CFAP43: variants seen among roughly 807,000 people sequenced by gnomAD.
CFAP43 encodes the protein cilia and flagella associated protein 43.
A neutral mutation model predicts 218.9 loss-of-function variants in CFAP43; 155 were observed. The ratio of observed to expected loss-of-function variants is 0.71; its 90% CI spans 0.62 to 0.81. CFAP43 has a LOEUF of 0.81. CFAP43 is among the 30% of genes least tolerant of loss of function. CFAP43 has a pLI of 0.00. For synonymous variants in CFAP43, 645 were observed against 681.3 expected (o/e 0.95, Z 0.83); for missense variants, 1,778 against 1,954.3 (o/e 0.91, Z 1.70).
At chr10:104,181,571 C>T (rs2089845644) in intron 17 of CFAP43, among the ~76,000 whole-genome samples, 1 of 152,232 alleles carries the variant, frequency 6.6e-6, no homozygotes, top group Non-Finnish European at 1.5e-5. Flanking sequence ...CAAAGCCCTT[C>T]GTTACCTGGT....
At chr10:104,131,658 A>G (rs568065605) in intron 36 of CFAP43, among the ~76,000 whole-genome samples, 174 bp from the exon 37 acceptor site, 1 of 152,346 alleles carries the variant, frequency 6.6e-6, no homozygotes, top group Non-Finnish European at 1.5e-5. Context: ...TGAAAGGTAG[A>G]ATGGTATGTT....
chr10:104,179,037 A>G lies in CFAP43; in HGVS notation c.2452T>C (p.Ser818Pro). The G allele has an allele frequency of 6.2e-7, 1 of 1,611,482 alleles. No individual in the cohort carries two copies. The highest frequency in any genetic ancestry group is 8.5e-7 in the Non-Finnish European group (1 of 1,178,200). ...KEIKQGIKSL[S>P]KTILNMMEEN... is the part of the protein sequence containing the mutation. Reference sequence around the variant, plus strand: ...GAAATTACAACACTTACAGTTTTGGAAAGTGATTTGATTCCTTGTTTTATC... The same window carrying G: ...GAAATTACAACACTTACAGTTTTGGGAAGTGATTTGATTCCTTGTTTTATC... The change falls in exon 19 of 38, where the codon TCC becomes CCC. Residue 818 changes from serine (S) to proline (P), a missense_variant. By Grantham distance (74) the Ser-to-Pro change is moderately conservative. This residue lies in a region of CFAP43 where 1,553 missense variants were observed against 1,685.2 expected (regional missense o/e 0.92). Coordinates refer to ENST00000357060, the MANE Select transcript of CFAP43 (RefSeq NM_025145.7).
At chr10:104,139,867 A>G (rs774523936) in intron 34 of CFAP43, among the ~76,000 whole-genome samples, 22 of 152,232 alleles carry the variant, frequency 1.4e-4, no homozygotes, top group Non-Finnish European at 2.9e-4. Context: ...ATTCTAAAAG[A>G]TAATTGTCTA....
Position 104,193,889 on chromosome 10 carries a change from C to A in CFAP43, c.1419G>T (p.Ser473=), listed in dbSNP as rs759194222. ...SPQVVHKAFL[S]ESSVQHVVYD... ...ACACGACGTGCTGCACGGACGATTC[C>A]GAGAGAAAGGCCTTGTGCACGACCT... Residue 473 remains serine, a synonymous_variant, in exon 11 of 38, where the codon TCG becomes TCT. Transcript: ENST00000357060. 7 of 1,614,070 alleles carry A rather than the reference C, an allele frequency of 4.3e-6. No individual in the cohort carries two copies. Among genetic ancestry groups the A allele is most frequent in the Non-Finnish European group, 5.9e-6 (7 of 1,179,988 alleles).
In CFAP43 at chr10:104,161,068, T is replaced by C. The variant is rs769308382; in HGVS notation, c.3509A>G (p.Glu1170Gly). The C allele has an allele frequency of 7.4e-6, 12 of 1,611,366 alleles. No homozygotes were observed. In the African/African-American group the frequency reaches 1.3e-4, roughly 18 times the overall value. The change falls in exon 27 of 38, where the codon GAG (glutamate) becomes GGG (glycine). Residue 1170 changes from glutamate (E) to glycine (G), a missense_variant. Physicochemically the swap from Glu to Gly is moderately conservative, Grantham distance 98. Coordinates refer to ENST00000357060, the MANE Select transcript of CFAP43 (RefSeq NM_025145.7). Reference protein sequence around the residue: ...QFKDYEKKVKELNEERDKYRK... With the variant: ...QFKDYEKKVKGLNEERDKYRK... ...ATACTTATCTCTTTCTTCATTTAAC[T>C]CCTTTACTTTTTTCTCATAATCTTT...
chr10:104,213,256 C>T lies in CFAP43; in HGVS notation c.584+1003G>A, dbSNP rs544049845. ...TTACTAGCTTTAGATTCTCTTAAGG[C>T]GATTTATCAAAATTGCAATTTCAAG... On this transcript the variant is annotated intron_variant, in intron 4 of 37. Coordinates refer to ENST00000357060, the MANE Select transcript of CFAP43 (RefSeq NM_025145.7). Among the ~76,000 whole-genome samples, 8 of 152,188 alleles carry T rather than the reference C, an allele frequency of 5.3e-5. No homozygotes were observed. In the South Asian group the frequency reaches 1.0e-3, roughly 20 times the overall value.
In CFAP43 at chr10:104,162,319, G is replaced by T; in HGVS notation, c.3331C>A (p.Gln1111Lys). ...CTGTGTTAAGCAAAGCTACATGCCT[G>T]TATCAGAAGCCAGTGCTCCTTTTCA... ...NHEKEHWLLI[Q>K]DASTRLRALM... Residue 1111 changes from glutamine to lysine, a missense_variant and splice_region_variant, in exon 25 of 38, where the codon CAG becomes AAG. Around this residue, in one of 3 missense-constraint regions of CFAP43, gnomAD observed 1,553 missense variants for 1,685.2 expected, o/e 0.92. Transcript: ENST00000357060. The T allele has an allele frequency of 6.2e-7, 1 of 1,613,586 alleles. No individual in the cohort carries two copies. Among genetic ancestry groups the T allele is most frequent in the Non-Finnish European group, 8.5e-7 (1 of 1,179,456 alleles).
intron 20 of CFAP43, among the ~76,000 whole-genome samples, chr10:104,171,851 T>C (rs576727310): frequency 1.3e-5 from 2 of 152,338 alleles, no homozygotes; most frequent in African/African-American, 4.8e-5. Context: ...GGGTACCATA[T>C]GCAAATATAA....
chr10:104,130,524 T>C (rs2087130459), intron 37 of CFAP43, among the ~76,000 whole-genome samples: 1 of 152,080 alleles, frequency 6.6e-6, no homozygotes, highest in Non-Finnish European at 1.5e-5. Flanking sequence ...ATATACACCA[T>C]GGGACACTAC....
intron 3 of CFAP43, among the ~76,000 whole-genome samples, chr10:104,223,115 T>A (rs763621773): frequency 9.9e-5 from 15 of 152,226 alleles, no homozygotes; most frequent in Non-Finnish European, 1.9e-4. Context: ...ATTTGGCCTA[T>A]GGGCCATCGT....
intron 16 of CFAP43, among the ~76,000 whole-genome samples, chr10:104,184,721 A>G (rs1453709832): frequency 1.3e-5 from 2 of 152,030 alleles, no homozygotes; most frequent in Non-Finnish European, 2.9e-5. Context: ...GAACCCACTG[A>G]TAATATTCAA....
intron 16 of CFAP43, among the ~76,000 whole-genome samples, chr10:104,183,457 TCGGCTCACTGCAAGCTCCGCTTCC>T (rs1417140564): frequency 6.7e-6 from 1 of 148,758 alleles, no homozygotes; most frequent in Admixed American, 6.7e-5. Context: ...TGGTGCAATC[TCGGCTCACTGCAAGCTCCGCTTCC>T]CGGGTTCACG....
At chr10:104,220,949 CGTGTGTGTGT>C (rs68093596) in intron 3 of CFAP43, among the ~76,000 whole-genome samples, 1,455 of 143,688 alleles carry the variant, frequency 0.01, 34 homozygotes, top group South Asian at 0.031. Context: ...TATGAGTGAG[CGTGTGTGTGT>C]GTGTGTGTGT....
chr10:104,204,341 T>C (rs1589772462), intron 7 of CFAP43, among the ~76,000 whole-genome samples: 1 of 152,212 alleles, frequency 6.6e-6, no homozygotes, highest in East Asian at 1.9e-4. Context: ...GGTTGGCTGG[T>C]TGTGAATAGA....
At chr10:104,191,695 A>C (rs997070278) in intron 12 of CFAP43, among the ~76,000 whole-genome samples, 2 of 152,040 alleles carry the variant, frequency 1.3e-5, no homozygotes, top group African/African-American at 4.8e-5. Flanking sequence ...GTCAATGATA[A>C]ACAAATTTAA....
At chr10:104,217,584 C>A (rs549796437) in intron 3 of CFAP43, among the ~76,000 whole-genome samples, 11 of 152,178 alleles carry the variant, frequency 7.2e-5, no homozygotes, top group African/African-American at 2.7e-4. Context: ...GAGGGCTGGA[C>A]CTTCCGTTGC....
chr10:104,156,485 T>TCACTTTCTCCCAATTGGCCC (rs1472173586), intron 27 of CFAP43, among the ~76,000 whole-genome samples: 2 of 152,208 alleles, frequency 1.3e-5, no homozygotes, highest in Non-Finnish European at 2.9e-5. Flanking sequence ...ACTATTGGTT[T>TCACTTTCTCCCAATTGGCCC]CTCTTTCTCC....
At chr10:104,199,913 A>C (rs1229229301) in intron 8 of CFAP43, among the ~76,000 whole-genome samples, 2 of 152,206 alleles carry the variant, frequency 1.3e-5, no homozygotes, top group Non-Finnish European at 2.9e-5. Context: ...AGGAATTCTC[A>C]ACAGGACCCA....
chr10:104,184,866 C>G (rs929231829), intron 16 of CFAP43, 150 bp downstream of exon 16: 21 of 1,279,020 alleles, frequency 1.6e-5, no homozygotes, highest in Non-Finnish European at 2.2e-5. Flanking sequence ...ATGCAGTGTA[C>G]GCTTCTCTTG....
Sources: gnomAD v4.1 joint callset for allele counts (sites outside exome capture counted in the v4.1 genomes callset) on GRCh38, gnomAD v4.1.1 for gene constraint, gnomAD v4.1.1 regional missense constraint, MANE v1.5 for transcripts, NCBI Gene and HGNC (gene_info 2026-07-23, HGNC 2026-07-21) for gene names.